The following AP3S1 variants were observed in gnomAD, a reference collection of about 807,000 sequenced individuals.
AP3S1 encodes AP-3 complex subunit sigma-1.
In AP3S1, 12 loss-of-function variants were observed where a neutral mutation model predicts 21.3. The observed-to-expected ratio is 0.56, with a 90% confidence interval of 0.36 to 0.91. The LOEUF is 0.91. AP3S1 is among the 40% of genes least tolerant of loss of function. The pLI is 0.01. For missense variants in AP3S1, 116 were observed against 225.0 expected (o/e 0.52, Z 3.10); for synonymous variants, 48 against 78.4 (o/e 0.61, Z 2.05).
chr5:115,893,135 T>A (rs999885362), intron 3 of AP3S1, among the ~76,000 whole-genome samples: 3 of 152,220 alleles, frequency 2.0e-5, no homozygotes, highest in African/African-American at 7.2e-5. Flanking sequence ...GTATTTTTCA[T>A]CATGTTTACT....
intron 5 of AP3S1, among the ~76,000 whole-genome samples, chr5:115,912,803 T>C (rs1465617955): frequency 6.6e-6 from 1 of 152,078 alleles, no homozygotes; most frequent in Non-Finnish European, 1.5e-5. Context: ...TTTTTTAATG[T>C]TCTAGAACTT....
chr5:115,846,842 T>C (rs1489551359), intron 1 of AP3S1, among the ~76,000 whole-genome samples: 1 of 152,176 alleles, frequency 6.6e-6, no homozygotes, highest in African/African-American at 2.4e-5. Flanking sequence ...TTTCCTTCCA[T>C]ATTAGTTATA....
At chr5:115,850,055 A>G (rs941399106) in intron 1 of AP3S1, among the ~76,000 whole-genome samples, 1 of 152,170 alleles carries the variant, frequency 6.6e-6, no homozygotes, top group Non-Finnish European at 1.5e-5. Flanking sequence ...TCTTAATTAT[A>G]TGTGAATAGA....
chr5:115,856,239 A>T (rs1045509301), intron 1 of AP3S1, among the ~76,000 whole-genome samples: 3 of 152,174 alleles, frequency 2.0e-5, no homozygotes, highest in Non-Finnish European at 4.4e-5. Flanking sequence ...ATGTCAGCAG[A>T]TACTTATTTA....
intron 3 of AP3S1, among the ~76,000 whole-genome samples, chr5:115,876,191 C>G (rs139949696): frequency 6.6e-4 from 100 of 152,232 alleles, no homozygotes; most frequent in African/African-American, 2.4e-3. Flanking sequence ...GATATTCATA[C>G]TTATCTCACC....
At position 115,866,691 on chromosome 5, in the gene AP3S1, A is replaced by G; in HGVS notation, c.91A>G (p.Ile31Val). Residue 31 changes from isoleucine (I) to valine (V), a missense_variant, in exon 2 of 6, where the codon ATC becomes GTC. By Grantham distance (29) the Ile-to-Val change is conservative. Around this residue, in one of 3 missense-constraint regions of AP3S1, gnomAD observed 50 missense variants for 55.5 expected, o/e 0.90. Coordinates refer to ENST00000316788, the MANE Select transcript of AP3S1 (RefSeq NM_001284.4). ...QPYSEDTQQQIIRETFHLVSK... is the reference protein window; with the variant it reads ...QPYSEDTQQQVIRETFHLVSK... The stretch of plus-strand genomic sequence containing the variant: ...TCAGAGTGAAGATACACAACAGCAA[A>G]TCATCAGGGAGACTTTCCATTTGGT... The G allele has an allele frequency of 6.2e-7, 1 of 1,605,252 alleles. No individual in the cohort carries two copies.
At chr5:115,874,600 C>A (rs565020029) in intron 3 of AP3S1, among the ~76,000 whole-genome samples, 1 of 152,102 alleles carries the variant, frequency 6.6e-6, no homozygotes, top group East Asian at 1.9e-4. Context: ...TAGAAAGATA[C>A]GTTCTGACCA....
chr5:115,909,234 C>T (rs144590329), intron 5 of AP3S1, among the ~76,000 whole-genome samples: 3,251 of 152,194 alleles, frequency 0.021, 39 homozygotes, highest in African/African-American at 0.042. Flanking sequence ...TCAGGGTCTT[C>T]GAAATACATT....
chr5:115,902,752 G>A, intron 4 of AP3S1, 133 bp from the exon 5 acceptor site: 1 of 563,030 alleles, frequency 1.8e-6, no homozygotes, highest in African/African-American at 1.9e-5. Flanking sequence ...TGGATTATGA[G>A]CCCTTACTCC....
At chr5:115,857,049 C>T (rs867392427) in intron 1 of AP3S1, among the ~76,000 whole-genome samples, 6 of 152,142 alleles carry the variant, frequency 3.9e-5, no homozygotes, top group African/African-American at 1.4e-4. Flanking sequence ...TAAGAAGATT[C>T]CAAGTGGCAG....
chr5:115,904,467 A>T (rs1369326564), intron 5 of AP3S1, among the ~76,000 whole-genome samples: 1 of 152,216 alleles, frequency 6.6e-6, no homozygotes, highest in African/African-American at 2.4e-5. Flanking sequence ...TTAAATTTAA[A>T]ATAGTCTTGC....
At chr5:115,880,244 G>T (rs937214628) in intron 3 of AP3S1, among the ~76,000 whole-genome samples, 2 of 152,048 alleles carry the variant, frequency 1.3e-5, no homozygotes, top group Non-Finnish European at 2.9e-5. Flanking sequence ...TCTTCTGCTA[G>T]CTTTTGAATT....
At chr5:115,869,606 A>G (rs1748041623) in intron 2 of AP3S1, among the ~76,000 whole-genome samples, 1 of 152,180 alleles carries the variant, frequency 6.6e-6, no homozygotes, top group Non-Finnish European at 1.5e-5. Context: ...ATTAGATCTC[A>G]GCTTAAATGC....
intron 1 of AP3S1, among the ~76,000 whole-genome samples, chr5:115,859,146 A>G (rs1023314015): frequency 6.6e-6 from 1 of 152,174 alleles, no homozygotes; most frequent in Admixed American, 6.6e-5. Context: ...CCATGATTAG[A>G]GGTTGCCTGT....
At chr5:115,879,584 G>T (rs1005893314) in intron 3 of AP3S1, among the ~76,000 whole-genome samples, 5 of 152,138 alleles carry the variant, frequency 3.3e-5, no homozygotes, top group African/African-American at 7.2e-5. Context: ...TTGATGTGCT[G>T]CTAGATTCGG....
chr5:115,886,534 T>C (rs1749798482), intron 3 of AP3S1, among the ~76,000 whole-genome samples: 2 of 152,244 alleles, frequency 1.3e-5, no homozygotes, highest in African/African-American at 4.8e-5. Flanking sequence ...CTAGCTCGTT[T>C]TATTGTAAGA....
chr5:115,894,344 A>G (rs1023356781), intron 3 of AP3S1, among the ~76,000 whole-genome samples: 4 of 152,122 alleles, frequency 2.6e-5, no homozygotes, highest in African/African-American at 9.7e-5. Flanking sequence ...CTCGGAGAAA[A>G]AGCAGGCATT....
chr5:115,842,779 A>G (rs1761723283), intron 1 of AP3S1, among the ~76,000 whole-genome samples: 3 of 152,126 alleles, frequency 2.0e-5, no homozygotes, highest in South Asian at 2.1e-4. Context: ...AGGACCTAAT[A>G]TTTTTATCAG....
chr5:115,879,525 G>C (rs1749077729), intron 3 of AP3S1, among the ~76,000 whole-genome samples: 2 of 152,126 alleles, frequency 1.3e-5, no homozygotes, highest in Non-Finnish European at 2.9e-5. Flanking sequence ...TGTTAAACCA[G>C]CCTTGCATCC....
Sources: allele counts gnomAD v4.1 joint callset (sites outside exome capture counted in the v4.1 genomes callset), GRCh38; gene constraint gnomAD v4.1.1; regional missense constraint gnomAD v4.1.1; transcripts MANE v1.5; gene names NCBI Gene and HGNC (gene_info 2026-07-23, HGNC 2026-07-21).